The following RAPGEF1 variants were observed in gnomAD, a reference collection of about 807,000 sequenced individuals.
RAPGEF1 encodes Rap guanine nucleotide exchange factor 1, also known as CRK SH3-binding GNRP.
In RAPGEF1, 33 loss-of-function variants were observed where a neutral mutation model predicts 143.3. The ratio of observed to expected loss-of-function variants is 0.23; its 90% CI spans 0.17 to 0.31. RAPGEF1 has a LOEUF of 0.31. RAPGEF1 is among the 10% of genes least tolerant of loss of function. RAPGEF1 has a pLI of 1.00. For synonymous variants in RAPGEF1, 629 were observed against 676.5 expected (o/e 0.93, Z 1.09); for missense variants, 1,199 against 1,645.4 (o/e 0.73, Z 4.69).
chr9:131,584,468 C>T lies in RAPGEF1; in HGVS notation c.3312+50G>A. 1.2e-6 allele frequency: 2 copies of T among 1,612,820 alleles called. No individual in the cohort carries two copies. Among genetic ancestry groups the T allele is most frequent in the East Asian group, 2.2e-5 (1 of 44,882 alleles). On this transcript the variant is annotated intron_variant, in intron 23 of 26. Coordinates refer to ENST00000683357, the MANE Select transcript of RAPGEF1 (RefSeq NM_001377935.1). This position sits in a 1 kb window ranked among gnomAD's most constrained non-coding sequence, Gnocchi z 6.8. The stretch of plus-strand genomic sequence containing the variant: ...GGAGGGCAGGCGGGTCCCGGGCTCC[C>T]AGAGCAGGGACTGATGATGGGGGCC...
In RAPGEF1 at chr9:131,584,245, G is replaced by GGCAGAAGGCC; in HGVS notation, c.3414+65_3414+66insGGCCTTCTGC. ...GTGGGAGCACTTTCTGCCACAGCTAGTCGCCTGAGGGCTGGGCGGCCCCCC... is the reference window on the plus strand; with the variant it reads ...GTGGGAGCACTTTCTGCCACAGCTAGGCAGAAGGCCTCGCCTGAGGGCTGGGCGGCCCCCC... On this transcript the variant is annotated intron_variant, in intron 24 of 26. Transcript: ENST00000683357. This position sits in a 1 kb window ranked among gnomAD's most constrained non-coding sequence, Gnocchi z 6.8. 7.0e-7 allele frequency: 1 copy of GGCAGAAGGCC among 1,420,478 alleles called. No individual in the cohort carries two copies. Among genetic ancestry groups the GGCAGAAGGCC allele is most frequent in the Admixed American group, 2.0e-5 (1 of 50,940 alleles). 88.0% of individuals were successfully genotyped at this position (1,420,478 alleles called of 1,614,324 possible).
intron 1 of RAPGEF1, among the ~76,000 whole-genome samples, chr9:131,712,722 A>G (rs112189648): frequency 2.9e-4 from 44 of 152,318 alleles, no homozygotes; most frequent in African/African-American, 9.1e-4. Context: ...CTAGGTTCCA[A>G]ACAACTAATA....
intron 1 of RAPGEF1, chr9:131,737,608 AAG>A (rs1364314392): frequency 6.8e-6 from 10 of 1,470,638 alleles, no homozygotes; most frequent in Non-Finnish European, 9.0e-6. Context: ...AACTCAAATG[AAG>A]AGTCATTTCA....
At chr9:131,609,056 G>A (rs1036060527) in intron 12 of RAPGEF1, among the ~76,000 whole-genome samples, 1 of 152,148 alleles carries the variant, frequency 6.6e-6, no homozygotes, top group South Asian at 2.1e-4. Context: ...ATTTTAGAAC[G>A]GGAAGGGCTG....
chr9:131,579,972 TC>T (rs1376237184), intron 26 of RAPGEF1, among the ~76,000 whole-genome samples: 4 of 152,212 alleles, frequency 2.6e-5, no homozygotes, highest in African/African-American at 4.8e-5. Context: ...CCAGGGTTTG[TC>T]AGGCCCTTCT....
At chr9:131,674,041 G>A (rs1184276398) in intron 1 of RAPGEF1, among the ~76,000 whole-genome samples, 1 of 152,190 alleles carries the variant, frequency 6.6e-6, no homozygotes, top group African/African-American at 2.4e-5. Flanking sequence ...AGAATGATGC[G>A]AGCAGAGAGT....
chr9:131,736,594 G>C (rs921842249), intron 1 of RAPGEF1, among the ~76,000 whole-genome samples: 1 of 152,192 alleles, frequency 6.6e-6, no homozygotes, highest in African/African-American at 2.4e-5. Flanking sequence ...ATCTCCCCCA[G>C]GGGTTAAGGA....
intron 1 of RAPGEF1, among the ~76,000 whole-genome samples, chr9:131,700,487 GC>G (rs1452193497): frequency 2.4e-4 from 36 of 152,164 alleles, no homozygotes; most frequent in Non-Finnish European, 3.5e-4. Flanking sequence ...ACTCCAGAGG[GC>G]AGAGATGTCT....
chr9:131,617,613 A>G (rs747811972), intron 12 of RAPGEF1, among the ~76,000 whole-genome samples: 3 of 152,284 alleles, frequency 2.0e-5, no homozygotes, highest in Non-Finnish European at 4.4e-5. Context: ...AGTTAGAAAC[A>G]GAACAAGACT....
intron 1 of RAPGEF1, among the ~76,000 whole-genome samples, chr9:131,669,150 C>A (rs1047976968): frequency 2.6e-5 from 4 of 152,228 alleles, no homozygotes; most frequent in African/African-American, 4.8e-5. Context: ...ACGGCCCCCA[C>A]CTCTGCTGCG....
chr9:131,693,570 T>A (rs1833930229), intron 1 of RAPGEF1, among the ~76,000 whole-genome samples: 1 of 152,168 alleles, frequency 6.6e-6, no homozygotes, highest in African/African-American at 2.4e-5. Context: ...TGCTTTTTAT[T>A]TTCTGTTTCT....
chr9:131,605,778 T>A (rs1477276782), intron 12 of RAPGEF1, among the ~76,000 whole-genome samples: 2 of 126,546 alleles, frequency 1.6e-5, no homozygotes, highest in Non-Finnish European at 3.4e-5. Flanking sequence ...TTTTTTTTTT[T>A]AACAAATGAA....
At chr9:131,614,146 C>G (rs1554821350) in intron 12 of RAPGEF1, among the ~76,000 whole-genome samples, 6 of 152,054 alleles carry the variant, frequency 3.9e-5, no homozygotes, top group Non-Finnish European at 8.8e-5. Flanking sequence ...CAACACCCCC[C>G]CCCAAGGAGG....
chr9:131,619,523 C>T (rs1473189261), intron 11 of RAPGEF1, among the ~76,000 whole-genome samples: 1 of 152,192 alleles, frequency 6.6e-6, no homozygotes, highest in Non-Finnish European at 1.5e-5. Flanking sequence ...AGCTGCTCCT[C>T]TGTGGGGAGT....
chr9:131,661,053 G>A (rs971778105), intron 1 of RAPGEF1, among the ~76,000 whole-genome samples: 3 of 152,234 alleles, frequency 2.0e-5, no homozygotes, highest in South Asian at 4.1e-4. Flanking sequence ...CACTATCGGT[G>A]TTGTGGATGA....
intron 25 of RAPGEF1, among the ~76,000 whole-genome samples, chr9:131,582,260 G>T (rs1951975868): frequency 6.6e-6 from 1 of 152,070 alleles, no homozygotes; most frequent in Non-Finnish European, 1.5e-5. Context: ...GTGGGGAGAG[G>T]AGCCATACAT....
At chr9:131,646,846 T>TAGCA (rs1350144286) in intron 3 of RAPGEF1, among the ~76,000 whole-genome samples, 2 of 152,120 alleles carry the variant, frequency 1.3e-5, no homozygotes, top group Non-Finnish European at 2.9e-5. Flanking sequence ...CAGTGAGGCC[T>TAGCA]AGCAAGAAGA....
At chr9:131,609,234 A>G (rs1291061961) in intron 12 of RAPGEF1, among the ~76,000 whole-genome samples, 1 of 152,184 alleles carries the variant, frequency 6.6e-6, no homozygotes, top group Admixed American at 6.5e-5. Context: ...TGCTAGGCAG[A>G]TGTAAGTGTT....
chr9:131,625,947 A>G lies in RAPGEF1; in HGVS notation c.1677T>C (p.Pro559=). 1.9e-6 allele frequency: 3 copies of G among 1,585,082 alleles called. No homozygotes were observed. Among genetic ancestry groups the G allele is most frequent in the Non-Finnish European group, 2.6e-6 (3 of 1,158,666 alleles). ...ESTGDPEKPP[P]LPEKKNKHML... ...TGTGTTTGTTTTTCTTCTCTGGTAG[A>G]GGAGGTGGTTTTTCTGGGTCACCGG... Residue 559 remains proline (P), a synonymous_variant, in exon 10 of 27, where the codon CCT becomes CCC. Coordinates refer to ENST00000683357, the MANE Select transcript of RAPGEF1 (RefSeq NM_001377935.1).
Sources: allele counts gnomAD v4.1 joint callset (sites outside exome capture counted in the v4.1 genomes callset), GRCh38; gene constraint gnomAD v4.1.1; non-coding constraint Gnocchi (gnomAD v3.1); transcripts MANE v1.5; gene names NCBI Gene and HGNC (gene_info 2026-07-23, HGNC 2026-07-21).